The following NHS variants were observed in gnomAD, a reference collection of about 807,000 sequenced individuals.
NHS encodes the protein actin remodeling regulator NHS.
In NHS, 5 loss-of-function variants were observed where a neutral mutation model predicts 72.5. The observed-to-expected ratio is 0.07, with a 90% CI of 0.04 to 0.14. The LOEUF is 0.14. Among genes scored for constraint, NHS ranks in the 10% least tolerant of loss-of-function variants. The pLI is 1.00. For missense variants in NHS, 1,072 were observed against 1,355.7 expected, an observed-to-expected ratio of 0.79 and a Z score of 3.29; for synonymous variants, 464 against 547.7, an observed-to-expected ratio of 0.85 and a Z score of 2.13.
At chrX:17,381,779 C>T (rs1436201130) in intron 1 of NHS, among the ~76,000 whole-genome samples, 2 of 112,101 alleles carry the variant, frequency 1.8e-5, no homozygotes, top group Non-Finnish European at 3.8e-5. Context: ...CTTATGTATA[C>T]ACAGTTATTT....
intron 1 of NHS, among the ~76,000 whole-genome samples, chrX:17,613,713 A>C (rs754891239): frequency 8.9e-6 from 1 of 111,817 alleles, no homozygotes; most frequent in Non-Finnish European, 1.9e-5. Flanking sequence ...TCCACAGTGC[A>C]TGCATTCTAT....
chrX:17,580,810 C>G (rs189164344), intron 1 of NHS, among the ~76,000 whole-genome samples: 3 of 112,296 alleles, frequency 2.7e-5, no homozygotes, highest in African/African-American at 9.7e-5. Flanking sequence ...CTTCTTTACT[C>G]ATAACTAGAG....
chrX:17,715,593 A>T (rs1352008338), intron 3 of NHS, among the ~76,000 whole-genome samples: 1 of 112,253 alleles, frequency 8.9e-6, no homozygotes, highest in Non-Finnish European at 1.9e-5. Context: ...TTGTTTTCAA[A>T]TTTTATTTAA....
At chrX:17,445,863 A>C (rs1424720475) in intron 1 of NHS, among the ~76,000 whole-genome samples, 3 of 108,606 alleles carry the variant, frequency 2.8e-5, no homozygotes, top group Non-Finnish European at 5.7e-5. Context: ...ACAACAACTC[A>C]AAGATAGAGC....
chrX:17,584,878 T>C (rs1018732580), intron 1 of NHS, among the ~76,000 whole-genome samples: 12 of 112,340 alleles, frequency 1.1e-4, no homozygotes, highest in Middle Eastern at 4.6e-3. Context: ...TTTTTTTTCA[T>C]GTAGTCTGAA....
intron 1 of NHS, among the ~76,000 whole-genome samples, chrX:17,646,688 C>T (rs765592116): frequency 8.9e-6 from 1 of 112,112 alleles, no homozygotes; most frequent in South Asian, 3.7e-4. Context: ...AGAACCTGAA[C>T]TAGGTGAGAC....
At position 17,727,630 on chromosome X, in the gene NHS, T is replaced by C; in HGVS notation, c.3524T>C (p.Leu1175Ser). The C allele has an allele frequency of 8.3e-7, 1 of 1,211,442 alleles. No homozygotes were observed. Among genetic ancestry groups the C allele is most frequent in the Non-Finnish European group, 1.1e-6 (1 of 895,023 alleles). ...LEESTLTTAA[L>S]SPSKIRPHTA... Reference sequence around the variant, plus strand: ...GAAAGCACACTCACAACGGCTGCCTTGTCTCCAAGTAAGATTAGGCCGCAT... The same window carrying C: ...GAAAGCACACTCACAACGGCTGCCTCGTCTCCAAGTAAGATTAGGCCGCAT... Residue 1175 changes from leucine to serine, a missense_variant, in exon 7 of 9, where the codon TTG becomes TCG. Coordinates refer to ENST00000676302, the MANE Select transcript of NHS (RefSeq NM_001291867.2).
At chrX:17,557,914 C>T (rs1426699866) in intron 1 of NHS, among the ~76,000 whole-genome samples, 2 of 112,161 alleles carry the variant, frequency 1.8e-5, no homozygotes, top group Non-Finnish European at 3.8e-5. Context: ...AACTCACAAC[C>T]TGGCAGCCAG....
chrX:17,695,994 G>C (rs1179882972), intron 3 of NHS, among the ~76,000 whole-genome samples: 1 of 109,276 alleles, frequency 9.2e-6, no homozygotes, highest in Non-Finnish European at 1.9e-5. Flanking sequence ...TATAGCCAGA[G>C]ATTAGTTTAA....
chrX:17,634,195 C>T (rs2065833244), intron 1 of NHS, among the ~76,000 whole-genome samples: 1 of 112,252 alleles, frequency 8.9e-6, no homozygotes, highest in African/African-American at 3.2e-5. Context: ...GCCAGACTTT[C>T]TGTTGATCTG....
rs1005975272 is a variant in NHS at position 17,726,652 on chromosome X, C to T, written c.2546C>T (p.Pro849Leu). ...TCTTTCAGGAAACCAAAGGCAAAGC[C>T]GACCCCACCTAAACGTAGCTCATCA... ...SISFRKPKAK[P>L]TPPKRSSSLR... The change falls in exon 7 of 9, where the codon CCG (proline) becomes CTG (leucine). Residue 849 changes from proline (P) to leucine (L), a missense_variant. Pro to Leu is a moderately conservative substitution (Grantham distance 98). Coordinates refer to ENST00000676302, the MANE Select transcript of NHS (RefSeq NM_001291867.2). 3 of 1,209,905 alleles carry T rather than the reference C, an allele frequency of 2.5e-6. No individual in the cohort carries two copies. The highest frequency in any genetic ancestry group is 3.0e-5 in the East Asian group (1 of 33,750).
chrX:17,446,946 C>CT lies in NHS; in HGVS notation c.565+70632dup, dbSNP rs763478418. Among the ~76,000 whole-genome samples, 14 of 111,399 alleles carry CT rather than the reference C, an allele frequency of 1.3e-4. No homozygotes were observed. The South Asian group carries it at 4.1e-3, about 33-fold the overall frequency. On this transcript the variant is annotated intron_variant, in intron 1 of 8. Coordinates refer to ENST00000676302, the MANE Select transcript of NHS (RefSeq NM_001291867.2). ...ATTAGGCTTAATATATCTTAAACTT[C>CT]TTTTTTTTGCATGAACTTTATGAGT...
intron 1 of NHS, among the ~76,000 whole-genome samples, chrX:17,430,309 TTCTTTCCTTTCTTTCTTTCTTTTTCTTC>T (rs1569252786): frequency 9.1e-5 from 8 of 87,597 alleles, no homozygotes; most frequent in African/African-American, 3.6e-4. Flanking sequence ...CTTTCTTTCT[TTCTTTCCTTTCTTTCTTTCTTTTTCTTC>T]TCTTTCTTTC....
At chrX:17,547,426 TA>T (rs1459919833) in intron 1 of NHS, among the ~76,000 whole-genome samples, 1 of 111,954 alleles carries the variant, frequency 8.9e-6, no homozygotes. Flanking sequence ...TTCTCATCTG[TA>T]AAATCGGAAG....
At position 17,733,274 on chromosome X, in the gene NHS, T is replaced by G. The variant is rs1301674019; in HGVS notation, c.*810T>G. ...GGCTGTGATTTGTTGTGTGGTAATT[T>G]GGACAGAATGAAAAGCATGCTTTTG... is the stretch of plus-strand genomic sequence containing the variant. On this transcript the variant is annotated 3_prime_UTR_variant, in exon 9 of 9. Transcript: ENST00000676302. 2.7e-5 allele frequency: 3 copies of G among 112,092 alleles called. No homozygotes were observed. The highest frequency in any genetic ancestry group is 5.6e-5 in the Non-Finnish European group (3 of 53,150). The allele number at this position is 112,092 out of a possible 1,213,427, so 9.2% of individuals were successfully genotyped here. A position where few individuals can be genotyped will look rare whatever the true frequency, so the allele number is the denominator to read the frequency against.
intron 4 of NHS, among the ~76,000 whole-genome samples, chrX:17,719,760 C>G (rs2066394543): frequency 9.0e-6 from 1 of 111,625 alleles, no homozygotes; most frequent in Non-Finnish European, 1.9e-5. Flanking sequence ...CAAAAGGATT[C>G]TCTGGCAGCC....
At chrX:17,602,480 G>C (rs2065655553) in intron 1 of NHS, among the ~76,000 whole-genome samples, 2 of 111,501 alleles carry the variant, frequency 1.8e-5, no homozygotes, top group Admixed American at 1.9e-4. Context: ...CAACTGGAGA[G>C]GGCCCACTAT....
intron 1 of NHS, among the ~76,000 whole-genome samples, chrX:17,435,163 G>C (rs1197152654): frequency 8.9e-6 from 1 of 111,999 alleles, no homozygotes; most frequent in African/African-American, 3.2e-5. Flanking sequence ...ATCTTGGGTG[G>C]GGTGAGGGAT....
At chrX:17,576,479 T>C (rs962151276) in intron 1 of NHS, among the ~76,000 whole-genome samples, 2 of 111,806 alleles carry the variant, frequency 1.8e-5, no homozygotes, top group Admixed American at 9.5e-5. Context: ...GAAGATCTCA[T>C]GGGTGGTGTT....
Sources: gnomAD v4.1 joint callset for allele counts (sites outside exome capture counted in the v4.1 genomes callset) on GRCh38, gnomAD v4.1.1 for gene constraint, MANE v1.5 for transcripts, NCBI Gene and HGNC (gene_info 2026-07-23, HGNC 2026-07-21) for gene names.